Variants in PRKDC observed in about 807,000 individuals in gnomAD.
PRKDC encodes protein kinase, DNA-activated, catalytic subunit.
Under a neutral mutation model 486.9 loss-of-function variants are expected in PRKDC, and 82 were observed. The ratio of observed to expected loss-of-function variants is 0.17; its 90% CI spans 0.14 to 0.20. The LOEUF is 0.20. Among genes scored for constraint, PRKDC ranks in the 10% least tolerant of loss-of-function variants. The pLI is 1.00. For synonymous variants in PRKDC, 1,895 were observed against 1,837.0 expected (o/e 1.03, Z -0.81); for missense variants, 4,504 against 5,038.2 (o/e 0.89, Z 3.21).
At chr8:47,842,368 A>G (rs1445272765) in intron 54 of PRKDC, among the ~76,000 whole-genome samples, 1 of 152,100 alleles carries the variant, frequency 6.6e-6, no homozygotes, top group Non-Finnish European at 1.5e-5. Context: ...AGTCTGAATT[A>G]TATCACTAAA....
intron 70 of PRKDC, 36 bp from the exon 71 acceptor site, chr8:47,801,022 T>C: frequency 6.4e-7 from 1 of 1,557,690 alleles, no homozygotes; most frequent in East Asian, 2.2e-5. Context: ...AACAAAATTT[T>C]GTATGTGTGT....
chr8:47,909,221 G>A (rs889921362), intron 25 of PRKDC, among the ~76,000 whole-genome samples: 9 of 152,208 alleles, frequency 5.9e-5, no homozygotes, highest in African/African-American at 2.2e-4. Context: ...ACCGGTTGGA[G>A]CCGAGGCAGA....
intron 32 of PRKDC, 136 bp downstream of exon 32, chr8:47,890,121 G>C (rs548189171): frequency 6.8e-5 from 25 of 366,392 alleles, no homozygotes; most frequent in African/African-American, 5.3e-4. Context: ...TGGGTTGAGA[G>C]GATGAAATAT....
intron 54 of PRKDC, among the ~76,000 whole-genome samples, chr8:47,843,557 G>A (rs1444944728): frequency 2.0e-5 from 3 of 152,110 alleles, no homozygotes; most frequent in Non-Finnish European, 2.9e-5. Flanking sequence ...GAACCCCTGT[G>A]ACATACTATA....
chr8:47,956,052 A>C, intron 3 of PRKDC, 104 bp from the exon 4 acceptor site: 1 of 832,380 alleles, frequency 1.2e-6, no homozygotes, highest in South Asian at 1.7e-5. Flanking sequence ...ACCAAAATTC[A>C]GTATTTAGCT....
chr8:47,830,788 T>A, intron 60 of PRKDC, 52 bp from the exon 61 acceptor site: 1 of 1,608,796 alleles, frequency 6.2e-7, no homozygotes, highest in Non-Finnish European at 8.5e-7. Context: ...TGAAGGAAAC[T>A]AGTCGTGCAT....
intron 7 of PRKDC, among the ~76,000 whole-genome samples, chr8:47,952,232 A>T (rs925302589): frequency 6.6e-6 from 1 of 152,214 alleles, no homozygotes; most frequent in Non-Finnish European, 1.5e-5. Context: ...CCATATACGG[A>T]TGAATGAATC....
At chr8:47,815,404 G>A (rs1487190894) in intron 68 of PRKDC, among the ~76,000 whole-genome samples, 1 of 152,076 alleles carries the variant, frequency 6.6e-6, no homozygotes, top group Non-Finnish European at 1.5e-5. Context: ...CCTACCTCAC[G>A]CCATTTACAA....
At chr8:47,936,003 A>C (rs887295102) in intron 12 of PRKDC, 103 bp from the exon 13 acceptor site, 1 of 1,167,256 alleles carries the variant, frequency 8.6e-7, no homozygotes, top group East Asian at 2.6e-5. Flanking sequence ...GATACTTATT[A>C]AAAGAAAAAC....
At position 47,832,970 on chromosome 8, in the gene PRKDC, C is replaced by T. The variant is rs1035675552; in HGVS notation, c.8153-1044G>A. Among the ~76,000 whole-genome samples, 3 of 152,238 alleles carry T rather than the reference C, an allele frequency of 2.0e-5. No homozygotes were observed. In the East Asian group the frequency reaches 5.8e-4, roughly 29 times the overall value. ...GGCACCAGGCCTGGCGCCCGCAGCC[C>T]TGCAAAGCAGGGAGTCCAGGGGCCC... On this transcript the variant is annotated intron_variant, in intron 59 of 85. Coordinates refer to ENST00000314191, the MANE Select transcript of PRKDC (RefSeq NM_006904.7).
At chr8:47,800,082 G>A (rs1032156661) in intron 71 of PRKDC, among the ~76,000 whole-genome samples, 3 of 152,166 alleles carry the variant, frequency 2.0e-5, no homozygotes, top group South Asian at 2.1e-4. Context: ...TAAGAAAATT[G>A]GCTGTGCGTG....
At chr8:47,819,534 A>G (rs781239005) in intron 66 of PRKDC, 24 bp from the exon 67 acceptor site, 129 of 1,064,616 alleles carry the variant, frequency 1.2e-4, no homozygotes, top group South Asian at 1.0e-3. Flanking sequence ...AAAAAAAAAA[A>G]GGGCATTTAC....
intron 7 of PRKDC, among the ~76,000 whole-genome samples, chr8:47,945,680 T>C (rs1456152047): frequency 6.6e-6 from 1 of 152,198 alleles, no homozygotes; most frequent in Non-Finnish European, 1.5e-5. Context: ...TTCTGGCCCT[T>C]TGGCTCACTA....
At chr8:47,807,520 G>C (rs1225927438) in intron 68 of PRKDC, among the ~76,000 whole-genome samples, 194 bp from the exon 69 acceptor site, 1 of 151,982 alleles carries the variant, frequency 6.6e-6, no homozygotes, top group Non-Finnish European at 1.5e-5. Context: ...CCGGGTTCAC[G>C]TCATTCTCCT....
rs1304753892 is a variant in PRKDC at position 47,777,040 on chromosome 8, CCAAA to C, written c.12043-61_12043-58del. 1.0e-5 allele frequency: 16 copies of C among 1,540,758 alleles called. No homozygotes were observed. The African/African-American group carries it at 2.1e-4, about 20-fold the overall frequency. On this transcript the variant is annotated intron_variant, in intron 84 of 85. Transcript: ENST00000314191. Reference sequence around the variant, plus strand: ...ATCATAATGGTATATACAATCATGCCCAAACAGATTAAATCTAGTAATGATCTTA... The same window carrying C: ...ATCATAATGGTATATACAATCATGCCCAGATTAAATCTAGTAATGATCTTA...
chr8:47,859,967 T>C (rs945135355), intron 45 of PRKDC, among the ~76,000 whole-genome samples: 7 of 152,306 alleles, frequency 4.6e-5, no homozygotes, highest in African/African-American at 1.7e-4. Flanking sequence ...TATCAAGCAG[T>C]TATTCTGTCA....
chr8:47,805,427 T>A (rs149708290), intron 69 of PRKDC, among the ~76,000 whole-genome samples: 23 of 152,356 alleles, frequency 1.5e-4, no homozygotes, highest in Middle Eastern at 3.4e-3. Context: ...TTTGCCTATC[T>A]TCTTTGGATA....
intron 4 of PRKDC, among the ~76,000 whole-genome samples, chr8:47,955,389 G>A (rs2090684821): frequency 6.9e-6 from 1 of 144,220 alleles, no homozygotes; most frequent in Non-Finnish European, 1.5e-5. Context: ...GTGAACCCGG[G>A]AGGCGGAGCT....
intron 74 of PRKDC, 103 bp from the exon 75 acceptor site, chr8:47,789,341 A>C (rs1458524887): frequency 3.1e-6 from 1 of 321,426 alleles, no homozygotes; most frequent in Non-Finnish European, 5.2e-6. Flanking sequence ...ATACATATAT[A>C]AAATAATGTA....
Sources: allele counts gnomAD v4.1 joint callset (sites outside exome capture counted in the v4.1 genomes callset), GRCh38; gene constraint gnomAD v4.1.1; transcripts MANE v1.5; gene names NCBI Gene and HGNC (gene_info 2026-07-23, HGNC 2026-07-21).